PSMD6: variants seen among roughly 807,000 people sequenced by gnomAD.
PSMD6 encodes proteasome 26S subunit, non-ATPase 6.
Under a neutral mutation model 44.9 loss-of-function variants are expected in PSMD6, and 7 were observed. The ratio of observed to expected loss-of-function variants is 0.16; its 90% CI spans 0.09 to 0.29. PSMD6 has a LOEUF of 0.29. Ranked by LOEUF, PSMD6 falls within the 10% of genes least tolerant of loss-of-function variation. The pLI, the probability that PSMD6 is intolerant of heterozygous loss-of-function variation, is 1.00. For synonymous variants in PSMD6, 184 were observed against 172.7 expected (o/e 1.07, Z -0.51); for missense variants, 420 against 482.6 (o/e 0.87, Z 1.21).
chr3:64,023,512 G>T (rs564761337), upstream of PSMD6: 39 of 1,442,710 alleles, frequency 2.7e-5, no homozygotes, highest in South Asian at 5.3e-4. Context: ...ACGCCCGGCC[G>T]CCTGCGGCCC....
intron 5 of PSMD6, chr3:64,016,759 T>C (rs2076050421): frequency 6.6e-6 from 1 of 152,156 alleles, no homozygotes; most frequent in African/African-American, 2.4e-5. Flanking sequence ...GCGCCTGCTT[T>C]AGAAAACTGG....
In PSMD6 at chr3:64,023,314, C is replaced by G; in HGVS notation, c.106G>C (p.Ala36Pro). The G allele has an allele frequency of 6.3e-7, 1 of 1,593,830 alleles. No homozygotes were observed. The highest frequency in any genetic ancestry group is 8.5e-7 in the Non-Finnish European group (1 of 1,170,924). ...LSLPEHRGDA[A>P]VRDELMAAVR... ...GCCGCCATCAGCTCGTCGCGCACGGCAGCGTCTCCGCGGTGCTCGGGCAGG... is the reference window on the plus strand; with the variant it reads ...GCCGCCATCAGCTCGTCGCGCACGGGAGCGTCTCCGCGGTGCTCGGGCAGG... The change falls in exon 1 of 8, where the codon GCC becomes CCC. Residue 36 changes from alanine (A) to proline (P), a missense_variant. This residue lies in a region of PSMD6 where 136 missense variants were observed against 124.2 expected (regional missense o/e 1.09). Coordinates refer to ENST00000295901, the MANE Select transcript of PSMD6 (RefSeq NM_014814.3).
chr3:64,019,720 T>G (rs181217829), intron 2 of PSMD6: 1,136 of 339,600 alleles, frequency 3.3e-3, no homozygotes, highest in Admixed American at 6.3e-3. Flanking sequence ...TTCACAATTG[T>G]TAAGTATTTT....
At chr3:64,011,042 T>A in intron 6 of PSMD6, 87 bp from the exon 7 acceptor site, 1 of 1,109,860 alleles carries the variant, frequency 9.0e-7, no homozygotes, top group Non-Finnish European at 1.3e-6. Flanking sequence ...GTCTTAAATT[T>A]GTAACAAACA....
chr3:64,016,089 A>AGGCAGGAGAAC (rs1048158563), intron 5 of PSMD6: 2 of 152,112 alleles, frequency 1.3e-5, no homozygotes, highest in African/African-American at 4.8e-5. Context: ...CAGGAGGCTG[A>AGGCAGGAGAAC]GGCAGGAGAA....
At position 64,012,201 on chromosome 3, in the gene PSMD6, C is replaced by T. The variant is rs960403478; in HGVS notation, c.995+1238G>A. The stretch of plus-strand genomic sequence containing the variant: ...CTTTCTTTACAATTTTATGGATGTT[C>T]GAAATTTAAAAAATACTAGAAAGAG... On this transcript the variant is annotated intron_variant, in intron 6 of 7. Coordinates refer to ENST00000295901, the MANE Select transcript of PSMD6 (RefSeq NM_014814.3). 7 of 151,886 alleles carry T rather than the reference C, an allele frequency of 4.6e-5. 1 individual carries two copies. Among genetic ancestry groups the T allele is most frequent in the African/African-American group, 1.2e-4 (5 of 41,324 alleles). The allele number at this position is 151,886 out of a possible 1,614,324, so 9.4% of individuals were successfully genotyped here.
chr3:64,023,391 CCCT>C lies in PSMD6; in HGVS notation c.26_28del (p.Glu9del), dbSNP rs748443902. On this transcript the variant is annotated inframe_deletion, in exon 1 of 8. Coordinates refer to ENST00000295901, the MANE Select transcript of PSMD6 (RefSeq NM_014814.3). The stretch of plus-strand genomic sequence containing the variant: ...ACGCAAGTCGGGGTTCTTGGGCAGA[CCCT>C]CCTCCTCCAGGTTCTCCAGCGGCAT... 5.0e-6 allele frequency: 8 copies of C among 1,608,374 alleles called. No homozygotes were observed. The Admixed American group carries it at 8.4e-5, about 17-fold the overall frequency.
intron 6 of PSMD6, 60 bp downstream of exon 6, chr3:64,013,379 T>G (rs1249627614): frequency 2.8e-6 from 4 of 1,433,100 alleles, no homozygotes; most frequent in East Asian, 2.5e-5. Context: ...ATTGTACAAG[T>G]TCACATATTT....
chr3:64,011,163 A>ATATTCAGATAGATAG (rs1553698252), intron 6 of PSMD6: 3 of 436,166 alleles, frequency 6.9e-6, no homozygotes, highest in Admixed American at 4.1e-5. Context: ...CTAGAAGTTC[A>ATATTCAGATAGATAG]TATTCAGATA....
upstream of PSMD6, chr3:64,023,532 T>A: frequency 1.4e-6 from 2 of 1,411,258 alleles, no homozygotes; most frequent in Non-Finnish European, 1.9e-6. Flanking sequence ...CGGCTTCCGG[T>A]CCCGTCTCCG....
In PSMD6 at chr3:64,013,507, T is replaced by C. The variant is rs761481375; in HGVS notation, c.927A>G (p.Glu309=). The C allele has an allele frequency of 3.7e-6, 6 of 1,613,718 alleles. No homozygotes were observed. Among genetic ancestry groups the C allele is most frequent in the Non-Finnish European group, 5.1e-6 (6 of 1,179,848 alleles). ...AGCCAAGGGTTAATGACCTATATGA[T>C]TCCAGCAGCTGACTGTATGCATGAA... ...MRIHAYSQLL[E]SYRSLTLGYM... is the part of the protein sequence containing the mutation. The change falls in exon 6 of 8, where the codon GAA becomes GAG. Residue 309 remains glutamate, a synonymous_variant. Coordinates refer to ENST00000295901, the MANE Select transcript of PSMD6 (RefSeq NM_014814.3).
chr3:64,019,592 G>A (rs1189754564), intron 2 of PSMD6, 151 bp from the exon 3 acceptor site: 5 of 736,618 alleles, frequency 6.8e-6, no homozygotes, highest in Non-Finnish European at 1.1e-5. Flanking sequence ...TTGAAGCTGG[G>A]TGATAAGTAC....
upstream of PSMD6, chr3:64,023,974 C>T: frequency 1.7e-6 from 1 of 574,184 alleles, no homozygotes. Flanking sequence ...AAATGAAAAC[C>T]CCTATCTAGA....
intron 2 of PSMD6, 148 bp from the exon 3 acceptor site, chr3:64,019,589 TG>T (rs1463326787): frequency 1.3e-6 from 1 of 773,240 alleles, no homozygotes; most frequent in Non-Finnish European, 2.0e-6. Flanking sequence ...TTGTTGAAGC[TG>T]GGTGATAAGT....
At chr3:64,019,942 ATG>A (rs1335301207) in intron 2 of PSMD6, 3 of 152,470 alleles carry the variant, frequency 2.0e-5, no homozygotes, top group Non-Finnish European at 4.4e-5. Context: ...AGTTTTCAGT[ATG>A]TGTCTGCCTG....
upstream of PSMD6, chr3:64,023,982 A>G (rs1389424216): frequency 3.9e-6 from 2 of 516,890 alleles, no homozygotes; most frequent in African/African-American, 1.9e-5. Context: ...ACCCCTATCT[A>G]GAACTCTAAA....
In PSMD6 at chr3:64,019,383, C is replaced by A; in HGVS notation, c.410G>T (p.Arg137Leu). The A allele has an allele frequency of 6.2e-7, 1 of 1,611,014 alleles. No individual in the cohort carries two copies. Among genetic ancestry groups the A allele is most frequent in the Non-Finnish European group, 8.5e-7 (1 of 1,177,240 alleles). ...AAGGAGATAGAATACAATATCCAAT[C>A]GGTGACCCAGGGCCACAGTTTTGTC... ...TYDKTVALGH[R>L]LDIVFYLLRI... The change falls in exon 3 of 8, where the codon CGA becomes CTA. Residue 137 changes from arginine (R) to leucine (L), a missense_variant. Transcript: ENST00000295901.
At chr3:64,018,508 CAGAT>C (rs550680644) in intron 5 of PSMD6, 87 bp downstream of exon 5, 18 of 932,840 alleles carry the variant, frequency 1.9e-5, no homozygotes, top group South Asian at 1.6e-4. Flanking sequence ...CTACATTTCT[CAGAT>C]AGGTGAAAAA....
intron 6 of PSMD6, chr3:64,011,987 C>T (rs1255509284): frequency 6.6e-6 from 1 of 152,180 alleles, no homozygotes; most frequent in Non-Finnish European, 1.5e-5. Context: ...ACTTCAATTT[C>T]ACAGACTAGA....
Sources: allele counts gnomAD v4.1 joint callset, GRCh38; gene constraint gnomAD v4.1.1; regional missense constraint gnomAD v4.1.1; transcripts MANE v1.5; gene names NCBI Gene and HGNC (gene_info 2026-07-23, HGNC 2026-07-21).